Variants in GCNA observed in about 807,000 individuals in gnomAD.
GCNA encodes germ cell nuclear acidic protein.
Under a neutral mutation model 38.8 loss-of-function variants are expected in GCNA, and 3 were observed. The observed-to-expected ratio is 0.08, with a 90% confidence interval of 0.04 to 0.20. The LOEUF is 0.20. Among genes scored for constraint, GCNA ranks in the 10% least tolerant of loss-of-function variants. The pLI is 1.00. For synonymous variants in GCNA, 195 were observed against 240.2 expected, an observed-to-expected ratio of 0.81 and a Z score of 1.74; for missense variants, 446 against 578.6, an observed-to-expected ratio of 0.77 and a Z score of 2.35.
intron 9 of GCNA, among the ~76,000 whole-genome samples, chrX:71,606,065 A>G (rs1027398202): frequency 1.8e-5 from 2 of 112,683 alleles, no homozygotes; most frequent in African/African-American, 3.2e-5. Context: ...TCAAAGAACA[A>G]TGTGTAGCCA....
chrX:71,580,369 C>T (rs2040536930), intron 1 of GCNA: 1 of 111,327 alleles, frequency 9.0e-6, no homozygotes, highest in Non-Finnish European at 1.9e-5. Flanking sequence ...AAAGTTTCGG[C>T]TTTAAGGTGG....
At chrX:71,591,126 G>A (rs1408594770) in intron 2 of GCNA, among the ~76,000 whole-genome samples, 1 of 111,219 alleles carries the variant, frequency 9.0e-6, no homozygotes, top group Non-Finnish European at 1.9e-5. Context: ...CGCCACATTG[G>A]AGGAGTGGCA....
At chrX:71,597,187 C>CA (rs1254289970) in intron 6 of GCNA, among the ~76,000 whole-genome samples, 1 of 111,904 alleles carries the variant, frequency 8.9e-6, no homozygotes, top group African/African-American at 3.2e-5. Flanking sequence ...AAAGGCACAT[C>CA]AACTTGGCAG....
chrX:71,605,799 C>T, intron 9 of GCNA, 70 bp downstream of exon 9: 1 of 959,765 alleles, frequency 1.0e-6, no homozygotes, highest in Non-Finnish European at 1.4e-6. Context: ...GTCCACTGGG[C>T]ACTTGGGTGG....
chrX:71,605,202 T>A (rs932039641), intron 8 of GCNA, among the ~76,000 whole-genome samples: 2 of 110,819 alleles, frequency 1.8e-5, no homozygotes, highest in Non-Finnish European at 3.8e-5. Context: ...GTTCAATAAA[T>A]TTTTTAGATA....
At chrX:71,581,069 C>G (rs1174275138) in intron 2 of GCNA, among the ~76,000 whole-genome samples, 189 bp downstream of exon 2, 2 of 111,774 alleles carry the variant, frequency 1.8e-5, no homozygotes, top group East Asian at 5.5e-4. Flanking sequence ...CTTGAATCCG[C>G]TATATAATTT....
intron 9 of GCNA, among the ~76,000 whole-genome samples, chrX:71,606,133 C>T: frequency 8.9e-6 from 1 of 112,552 alleles, no homozygotes. Flanking sequence ...TTGTGCTAAA[C>T]CAAGGCAAAG....
chrX:71,607,613 G>C (rs770506043), intron 9 of GCNA, among the ~76,000 whole-genome samples: 21 of 112,011 alleles, frequency 1.9e-4, no homozygotes, highest in Admixed American at 6.6e-4. Context: ...TTGAAAGATG[G>C]GGCAGCGATT....
intron 1 of GCNA, among the ~76,000 whole-genome samples, chrX:71,578,852 T>C (rs1304286847): frequency 1.0e-5 from 1 of 98,276 alleles, no homozygotes; most frequent in Non-Finnish European, 2.1e-5. Flanking sequence ...GGTGGCGTCA[T>C]TGCAGATAGT....
Position 71,605,707 on chromosome X carries a change from A to G in GCNA, c.1444A>G (p.Lys482Glu), listed in dbSNP as rs1175240274. 1 of 1,208,380 alleles carries G rather than the reference A, an allele frequency of 8.3e-7. No individual in the cohort carries two copies. Among genetic ancestry groups the G allele is most frequent in the African/African-American group, 1.7e-5 (1 of 57,235 alleles). ...GPSKKKPGAA[K>E]VEKRKTRTPK... ...TTCAAAGAAGAAACCCGGTGCAGCA[A>G]AAGTTGAAAAACGCAAGACTAGGTA... Residue 482 changes from lysine to glutamate, a missense_variant, in exon 9 of 13, where the codon AAA becomes GAA. Lys to Glu is a moderately conservative substitution (Grantham distance 56). Coordinates refer to ENST00000373696, the MANE Select transcript of GCNA (RefSeq NM_052957.5).
intron 2 of GCNA, among the ~76,000 whole-genome samples, chrX:71,588,811 A>G (rs1358240286): frequency 9.0e-6 from 1 of 111,417 alleles, no homozygotes; most frequent in Non-Finnish European, 1.9e-5. Flanking sequence ...TGGGTGACAG[A>G]GCGAGACTCT....
chrX:71,581,223 C>T (rs145340808), intron 2 of GCNA, among the ~76,000 whole-genome samples: 28 of 112,159 alleles, frequency 2.5e-4, no homozygotes, highest in African/African-American at 9.1e-4. Flanking sequence ...TAGAGGTACA[C>T]AAGTATTTTT....
intron 2 of GCNA, among the ~76,000 whole-genome samples, chrX:71,583,422 G>A (rs186747101): frequency 9.0e-6 from 1 of 111,081 alleles, no homozygotes; most frequent in Non-Finnish European, 1.9e-5. Flanking sequence ...TTTGAGACCA[G>A]CCTGGGCAAC....
At position 71,612,488 on chromosome X, in the gene GCNA, C is replaced by T. The variant is rs1473196589; in HGVS notation, c.1884C>T (p.Pro628=). Residue 628 remains proline (P), a synonymous_variant, in exon 12 of 13, where the codon CCC becomes CCT. Transcript: ENST00000373696. ...CCAACAGGATACACCCGGAGCTGCC[C>T]AGGGTCACCCGTTGCCATAACTATA... ...RKSNRIHPEL[P]RVTRCHNYKI... The T allele has an allele frequency of 3.3e-6, 4 of 1,210,002 alleles. No individual in the cohort carries two copies. In the Admixed American group the frequency reaches 6.6e-5, roughly 20 times the overall value.
intron 2 of GCNA, among the ~76,000 whole-genome samples, chrX:71,589,296 G>T (rs1258899598): frequency 9.4e-6 from 1 of 106,706 alleles, no homozygotes; most frequent in African/African-American, 3.4e-5. Flanking sequence ...GAGGTGTGGT[G>T]GGGGGTTTCT....
At chrX:71,586,945 G>T (rs377279897) in intron 2 of GCNA, among the ~76,000 whole-genome samples, 5 of 111,784 alleles carry the variant, frequency 4.5e-5, no homozygotes, top group African/African-American at 1.6e-4. Flanking sequence ...AATATCCAAG[G>T]TGTCAAGTAG....
At chrX:71,587,866 T>C (rs1012621912) in intron 2 of GCNA, among the ~76,000 whole-genome samples, 6 of 111,288 alleles carry the variant, frequency 5.4e-5, no homozygotes, top group Non-Finnish European at 1.1e-4. Context: ...GCAAACTCAC[T>C]GCAACCTCTG....
At chrX:71,592,007 T>G (rs1051027566) in intron 2 of GCNA, 115 bp from the exon 3 acceptor site, 1 of 650,922 alleles carries the variant, frequency 1.5e-6, no homozygotes, top group Non-Finnish European at 2.4e-6. Context: ...AAACCTTTTT[T>G]GCATTTCAGG....
At chrX:71,580,673 AC>A in intron 1 of GCNA, 146 bp from the exon 2 acceptor site, 1 of 445,962 alleles carries the variant, frequency 2.2e-6, no homozygotes, top group Non-Finnish European at 3.7e-6. Flanking sequence ...ATAGGGTTTC[AC>A]CGTGTTAGCC....
Sources: allele counts gnomAD v4.1 joint callset (sites outside exome capture counted in the v4.1 genomes callset), GRCh38; gene constraint gnomAD v4.1.1; transcripts MANE v1.5; gene names NCBI Gene and HGNC (gene_info 2026-07-23, HGNC 2026-07-21).